The following WDR19 variants were observed in gnomAD, a reference collection of about 807,000 sequenced individuals.
WDR19 encodes the protein WD repeat domain 19.
WDR19 carries 121 observed loss-of-function variants against 180.0 expected under a neutral mutation model. That is an observed-to-expected ratio of 0.67 (90% CI 0.58 to 0.78). The LOEUF (loss-of-function observed/expected upper bound fraction) is 0.78. WDR19 is among the 30% of genes least tolerant of loss of function. WDR19 has a pLI of 0.00. For synonymous variants in WDR19, 497 were observed against 540.7 expected, an observed-to-expected ratio of 0.92 and a Z score of 1.12; for missense variants, 1,450 against 1,640.7, an observed-to-expected ratio of 0.88 and a Z score of 2.01.
At chr4:39,182,897 G>T (rs1725094970) in intron 1 of WDR19, among the ~76,000 whole-genome samples, 1 of 152,132 alleles carries the variant, frequency 6.6e-6, no homozygotes, top group East Asian at 1.9e-4. Flanking sequence ...GGAAAGAACT[G>T]GTCGAGTTAA....
intron 6 of WDR19, among the ~76,000 whole-genome samples, chr4:39,202,405 T>G (rs1727460531): frequency 6.6e-6 from 1 of 152,148 alleles, no homozygotes; most frequent in Non-Finnish European, 1.5e-5. Flanking sequence ...AAAAAATGGC[T>G]CTCATACATA....
intron 15 of WDR19, among the ~76,000 whole-genome samples, chr4:39,226,281 T>C (rs770239273): frequency 1.7e-4 from 26 of 152,236 alleles, no homozygotes; most frequent in Non-Finnish European, 3.7e-4. Flanking sequence ...ACTTTCTCCA[T>C]TTACAGTTCT....
At chr4:39,214,385 C>T (rs769858657) in intron 9 of WDR19, among the ~76,000 whole-genome samples, 2 of 152,028 alleles carry the variant, frequency 1.3e-5, no homozygotes, top group African/African-American at 2.4e-5. Flanking sequence ...TCTCTGCACA[C>T]AGTAAGCAAA....
intron 21 of WDR19, among the ~76,000 whole-genome samples, chr4:39,241,689 G>A (rs753617010): frequency 4.0e-5 from 6 of 151,196 alleles, no homozygotes; most frequent in Non-Finnish European, 8.8e-5. Context: ...CCAGCTACTC[G>A]GGTAGCTGAG....
intron 4 of WDR19, among the ~76,000 whole-genome samples, chr4:39,190,928 A>AG (rs1726087035): frequency 6.6e-6 from 1 of 152,234 alleles, no homozygotes; most frequent in Non-Finnish European, 1.5e-5. Context: ...AGCAACAGTA[A>AG]GGCCATGTTC....
Position 39,199,475 on chromosome 4 carries a change from C to A in WDR19, c.407-3C>A. 6.2e-7 allele frequency: 1 copy of A among 1,608,402 alleles called. No individual in the cohort carries two copies. Among genetic ancestry groups the A allele is most frequent in the Non-Finnish European group, 8.5e-7 (1 of 1,177,370 alleles). On this transcript the variant is annotated splice_polypyrimidine_tract_variant and splice_region_variant and intron_variant, in intron 5 of 36. Transcript: ENST00000399820. ...GTCTGTATAAAAATAATCTCTTTTT[C>A]AGGAAAACATACTAAGAGAATCACT...
chr4:39,207,474 A>G (rs887926305), intron 9 of WDR19, among the ~76,000 whole-genome samples: 5 of 152,218 alleles, frequency 3.3e-5, no homozygotes, highest in African/African-American at 9.7e-5. Flanking sequence ...TATTCACATC[A>G]TAATCAAACT....
chr4:39,283,174 A>C (rs956360761), intron 36 of WDR19, among the ~76,000 whole-genome samples: 9 of 152,172 alleles, frequency 5.9e-5, no homozygotes, highest in African/African-American at 1.9e-4. Context: ...AATTTTGTCA[A>C]ATGCTTTTTC....
rs1478602265 is a variant in WDR19 at position 39,241,909 on chromosome 4, C to T, written c.2421+1575C>T. On this transcript the variant is annotated intron_variant, in intron 21 of 36. Transcript: ENST00000399820. ...TTTTATATATTTTCTTCCAGAAGCT[C>T]TTCTAAGCATACTTGTAATATGGAT... 6.0e-5 allele frequency among the ~76,000 whole-genome samples: 9 copies of T among 149,778 alleles called. No individual in the cohort carries two copies. In the East Asian group the frequency reaches 1.8e-3, roughly 29 times the overall value.
At chr4:39,187,517 C>A (rs1173994401) in intron 3 of WDR19, among the ~76,000 whole-genome samples, 4 of 151,858 alleles carry the variant, frequency 2.6e-5, no homozygotes, top group African/African-American at 9.7e-5. Context: ...AGTTTATTGA[C>A]CATTTTTGAA....
intron 13 of WDR19, 140 bp downstream of exon 13, chr4:39,217,380 C>A: frequency 6.0e-6 from 4 of 662,094 alleles, no homozygotes; most frequent in Non-Finnish European, 1.0e-5. Flanking sequence ...TTAACAAAAC[C>A]CTTCCCCTTC....
chr4:39,216,106 TCA>T lies in WDR19; in HGVS notation c.1148_1149del (p.Thr383SerfsTer4). 1.9e-6 allele frequency: 3 copies of T among 1,584,696 alleles called. No individual in the cohort carries two copies. The highest frequency in any genetic ancestry group is 1.3e-5 in the African/African-American group (1 of 74,454). On this transcript the variant is annotated frameshift_variant, in exon 12 of 37. Coordinates refer to ENST00000399820, the MANE Select transcript of WDR19 (RefSeq NM_025132.4). LOFTEE classifies it high-confidence loss of function. ...TTTTCTTTATTATAGGAGCTACCAA[TCA>T]CAGTTTCTGTTGATGTGGAACCCAA...
At chr4:39,283,002 C>T (rs1399739805) in intron 36 of WDR19, among the ~76,000 whole-genome samples, 1 of 152,162 alleles carries the variant, frequency 6.6e-6, no homozygotes, top group Non-Finnish European at 1.5e-5. Flanking sequence ...TACACACTGG[C>T]TAGGACCTCC....
intron 27 of WDR19, among the ~76,000 whole-genome samples, chr4:39,256,424 A>C (rs887047311): frequency 3.3e-5 from 5 of 152,174 alleles, no homozygotes; most frequent in African/African-American, 9.7e-5. Context: ...CAGGGTAGGG[A>C]CTACTGAATG....
intron 24 of WDR19, among the ~76,000 whole-genome samples, chr4:39,252,392 T>A (rs1174072664): frequency 1.6e-4 from 24 of 146,030 alleles, no homozygotes; most frequent in Non-Finnish European, 3.2e-4. Context: ...TAGCATTAGG[T>A]GATATACCTA....
chr4:39,251,450 G>A (rs1373675198), intron 24 of WDR19, among the ~76,000 whole-genome samples: 1 of 151,486 alleles, frequency 6.6e-6, no homozygotes, highest in Non-Finnish European at 1.5e-5. Flanking sequence ...CATAGGCATG[G>A]GCAAGGACTT....
At chr4:39,240,255 T>C in intron 20 of WDR19, 22 bp from the exon 21 acceptor site, 1 of 1,259,510 alleles carries the variant, frequency 7.9e-7, no homozygotes, top group South Asian at 2.2e-5. Context: ...ATTATTAAAA[T>C]TCACTCTTAT....
At chr4:39,248,620 G>C (rs922310935) in intron 24 of WDR19, among the ~76,000 whole-genome samples, 6 of 152,056 alleles carry the variant, frequency 3.9e-5, no homozygotes, top group African/African-American at 1.2e-4. Context: ...CTCACGTGCA[G>C]AGACACACAT....
chr4:39,263,083 A>T (rs1578022783), intron 28 of WDR19, among the ~76,000 whole-genome samples: 1 of 69,868 alleles, frequency 1.4e-5, no homozygotes, highest in African/African-American at 5.1e-5. Flanking sequence ...CCCACCCCCA[A>T]TCCTCAACAC....
Sources: gnomAD v4.1 joint callset for allele counts (sites outside exome capture counted in the v4.1 genomes callset) on GRCh38, gnomAD v4.1.1 for gene constraint, MANE v1.5 for transcripts, NCBI Gene and HGNC (gene_info 2026-07-23, HGNC 2026-07-21) for gene names.